Variants in CSNK1G3 observed in about 807,000 individuals in gnomAD.
CSNK1G3 encodes casein kinase I isoform gamma-3.
CSNK1G3 carries 23 observed loss-of-function variants against 64.3 expected under a neutral mutation model. The observed-to-expected ratio is 0.36, with a 90% CI of 0.26 to 0.51. The LOEUF (loss-of-function observed/expected upper bound fraction) is 0.51. Ranked by LOEUF, CSNK1G3 falls within the 20% of genes least tolerant of loss-of-function variation. The probability of loss-of-function intolerance (pLI) is 0.96; values close to 1 mark genes in which losing one functional copy is unlikely to be tolerated. For missense variants in CSNK1G3, 357 were observed against 510.5 expected (o/e 0.70, Z 2.90); for synonymous variants, 158 against 162.2 (o/e 0.97, Z 0.20).
chr5:123,613,425 G>GTA (rs1197303907), intron 12 of CSNK1G3, among the ~76,000 whole-genome samples: 1 of 151,232 alleles, frequency 6.6e-6, no homozygotes, highest in East Asian at 1.9e-4. Flanking sequence ...GTGTGTGTGT[G>GTA]TGTGTGTGCG....
chr5:123,548,315 C>G (rs1782940255), intron 2 of CSNK1G3, among the ~76,000 whole-genome samples: 1 of 151,738 alleles, frequency 6.6e-6, no homozygotes, highest in Non-Finnish European at 1.5e-5. Flanking sequence ...AAAAATTAGC[C>G]AGGTGTGATG....
At chr5:123,578,513 T>G (rs576415145) in intron 6 of CSNK1G3, among the ~76,000 whole-genome samples, 1 of 152,072 alleles carries the variant, frequency 6.6e-6, no homozygotes, top group East Asian at 1.9e-4. Flanking sequence ...ATAATTATTT[T>G]GTCATATATA....
chr5:123,565,478 A>G (rs529369022), intron 4 of CSNK1G3, among the ~76,000 whole-genome samples: 2 of 152,330 alleles, frequency 1.3e-5, no homozygotes, highest in South Asian at 4.1e-4. Flanking sequence ...TAGCATTTCT[A>G]GCCACAATTT....
At chr5:123,565,617 T>C (rs527634900) in intron 4 of CSNK1G3, among the ~76,000 whole-genome samples, 1 of 152,338 alleles carries the variant, frequency 6.6e-6, no homozygotes, top group South Asian at 2.1e-4. Context: ...AAAGAAATGC[T>C]GGAGTCTGGG....
intron 8 of CSNK1G3, 32 bp downstream of exon 8, chr5:123,588,543 T>C: frequency 7.8e-7 from 1 of 1,283,706 alleles, no homozygotes; most frequent in Non-Finnish European, 1.1e-6. Flanking sequence ...ATACATTATA[T>C]ACAGAAAACT....
intron 1 of CSNK1G3, among the ~76,000 whole-genome samples, chr5:123,545,178 A>G (rs2150260567): frequency 6.6e-6 from 1 of 152,162 alleles, no homozygotes; most frequent in South Asian, 2.1e-4. Context: ...AAACAGTATA[A>G]TTTTGTTCCT....
intron 1 of CSNK1G3, among the ~76,000 whole-genome samples, chr5:123,539,078 C>T (rs1372956627): frequency 6.6e-6 from 1 of 152,136 alleles, no homozygotes; most frequent in East Asian, 1.9e-4. Context: ...AAGCAATCCT[C>T]CAGGCTTTGC....
At chr5:123,522,499 T>A in intron 1 of CSNK1G3, among the ~76,000 whole-genome samples, 1 of 113,622 alleles carries the variant, frequency 8.8e-6, no homozygotes, top group African/African-American at 3.8e-5. Context: ...CGAGATTCTG[T>A]CTCAAAAAAA....
chr5:123,586,264 G>A (rs922156385), intron 6 of CSNK1G3, among the ~76,000 whole-genome samples: 5 of 152,150 alleles, frequency 3.3e-5, no homozygotes, highest in African/African-American at 1.2e-4. Context: ...GGTATTGTGG[G>A]GGTTGGGGGA....
At chr5:123,612,262 G>C (rs1407183655) in intron 12 of CSNK1G3, among the ~76,000 whole-genome samples, 1 of 152,094 alleles carries the variant, frequency 6.6e-6, no homozygotes, top group Non-Finnish European at 1.5e-5. Flanking sequence ...GTGTAATTTG[G>C]TTTGCAGTAC....
intron 1 of CSNK1G3, among the ~76,000 whole-genome samples, chr5:123,541,546 A>C (rs1781681465): frequency 6.6e-6 from 1 of 152,110 alleles, no homozygotes. Context: ...CTCCCACCTC[A>C]GCCTCCCAAG....
At chr5:123,541,113 A>G (rs924693897) in intron 1 of CSNK1G3, among the ~76,000 whole-genome samples, 2 of 152,238 alleles carry the variant, frequency 1.3e-5, no homozygotes, top group African/African-American at 4.8e-5. Context: ...TACCATATAC[A>G]TACTGATATT....
intron 4 of CSNK1G3, among the ~76,000 whole-genome samples, chr5:123,571,709 AC>A (rs1788145260): frequency 6.6e-6 from 1 of 152,114 alleles, no homozygotes. Context: ...TATTTAAAAA[AC>A]GTTTTATTAA....
chr5:123,607,458 T>C (rs1369666792), intron 12 of CSNK1G3, among the ~76,000 whole-genome samples: 1 of 152,084 alleles, frequency 6.6e-6, no homozygotes. Context: ...TATAAAGAAA[T>C]GAAATTGAAA....
At chr5:123,599,702 T>C (rs2151087563) in intron 10 of CSNK1G3, among the ~76,000 whole-genome samples, 1 of 152,294 alleles carries the variant, frequency 6.6e-6, no homozygotes, top group Non-Finnish European at 1.5e-5. Flanking sequence ...CAATCACATC[T>C]TTCTATTCAT....
chr5:123,554,999 T>C (rs1784370720), intron 3 of CSNK1G3, among the ~76,000 whole-genome samples: 1 of 152,218 alleles, frequency 6.6e-6, no homozygotes, highest in Non-Finnish European at 1.5e-5. Flanking sequence ...AAACGTTTAT[T>C]ATGTCATCTT....
At chr5:123,556,647 C>T (rs1784674339) in intron 3 of CSNK1G3, among the ~76,000 whole-genome samples, 1 of 151,846 alleles carries the variant, frequency 6.6e-6, no homozygotes, top group African/African-American at 2.4e-5. Context: ...CCTTGTTATA[C>T]TTTTCTGTTG....
chr5:123,596,248 G>C (rs533932829), intron 10 of CSNK1G3, among the ~76,000 whole-genome samples: 1 of 152,034 alleles, frequency 6.6e-6, no homozygotes, highest in Non-Finnish European at 1.5e-5. Context: ...AGACTTATTT[G>C]AGTAGATCTA....
intron 1 of CSNK1G3, among the ~76,000 whole-genome samples, chr5:123,531,639 T>C (rs6595457): frequency 0.25 from 37,357 of 151,938 alleles, 4,860 homozygotes; most frequent in Middle Eastern, 0.29. Flanking sequence ...AAGCTTTCTT[T>C]TGAAGAATTC....
Sources: allele counts gnomAD v4.1 joint callset (sites outside exome capture counted in the v4.1 genomes callset), GRCh38; gene constraint gnomAD v4.1.1; transcripts MANE v1.5; gene names NCBI Gene and HGNC (gene_info 2026-07-23, HGNC 2026-07-21).